The following PIGX variants were observed in gnomAD, a reference collection of about 807,000 sequenced individuals.
PIGX encodes GPI alpha-1,4-mannosyltransferase I, stabilizing subunit.
PIGX carries 24 observed loss-of-function variants against 28.7 expected under a neutral mutation model. The ratio of observed to expected loss-of-function variants is 0.84; its 90% CI spans 0.60 to 1.17. PIGX has a LOEUF of 1.17. Among genes scored for constraint, PIGX ranks in the 50% most tolerant of loss-of-function variants. PIGX has a pLI of 0.00. For synonymous variants in PIGX, 127 were observed against 121.0 expected, an observed-to-expected ratio of 1.05 and a Z score of -0.33; for missense variants, 305 against 317.8, an observed-to-expected ratio of 0.96 and a Z score of 0.31.
At chr3:196,718,096 G>A (rs1712171573) in intron 2 of PIGX, 1 of 152,078 alleles carries the variant, frequency 6.6e-6, no homozygotes, top group Admixed American at 6.6e-5. Context: ...GGATCACGAG[G>A]TCACGAGTTC....
At chr3:196,721,048 C>G (rs1261102018) in intron 2 of PIGX, 2 of 184,834 alleles carry the variant, frequency 1.1e-5, no homozygotes, top group African/African-American at 4.8e-5. Flanking sequence ...ATGTGATTTT[C>G]TTTGTATTTA....
intron 2 of PIGX, 45 bp downstream of exon 2, chr3:196,716,966 T>C (rs772694421): frequency 8.6e-7 from 1 of 1,159,090 alleles, no homozygotes; most frequent in Non-Finnish European, 1.3e-6. Flanking sequence ...TAATGTGTCA[T>C]ATAATTGAGA....
chr3:196,723,190 A>G (rs1298745640), intron 3 of PIGX, among the ~76,000 whole-genome samples: 1 of 152,098 alleles, frequency 6.6e-6, no homozygotes, highest in Non-Finnish European at 1.5e-5. Context: ...AAAATACAAA[A>G]ATTAGCCAGG....
At chr3:196,716,361 G>A (rs540465721) in intron 1 of PIGX, among the ~76,000 whole-genome samples, 56 of 152,166 alleles carry the variant, frequency 3.7e-4, no homozygotes, top group African/African-American at 1.3e-3. Context: ...TATAGAAGTT[G>A]CCAGTATGTA....
chr3:196,723,289 C>T (rs188658174), intron 3 of PIGX, among the ~76,000 whole-genome samples: 4 of 152,194 alleles, frequency 2.6e-5, no homozygotes, highest in East Asian at 1.9e-4. Context: ...TGCAGTGAGC[C>T]GAGATCGCAT....
intron 2 of PIGX, among the ~76,000 whole-genome samples, chr3:196,719,635 T>G (rs1712233505): frequency 6.6e-6 from 1 of 152,202 alleles, no homozygotes; most frequent in Non-Finnish European, 1.5e-5. Context: ...CTTCATCTCC[T>G]TCTCTTTTCT....
intron 5 of PIGX, among the ~76,000 whole-genome samples, chr3:196,731,857 C>A (rs371087631): frequency 6.6e-6 from 1 of 151,986 alleles, no homozygotes; most frequent in African/African-American, 2.4e-5. Flanking sequence ...GACAGAGTCT[C>A]GCTCTGTTGC....
In PIGX at chr3:196,733,385, C is replaced by T. The variant is rs567972375; in HGVS notation, c.634-374C>T. Among the ~76,000 whole-genome samples the T allele has an allele frequency of 8.6e-5, 13 of 152,038 alleles. No homozygotes were observed. The highest frequency in any genetic ancestry group is 3.9e-4 in the East Asian group (2 of 5,188). ...AAGAAATAGTGGTCTCACCTTATGA[C>T]ATTTATTTTATTTTACTATTTTTAT... is the stretch of plus-strand genomic sequence containing the variant. On this transcript the variant is annotated intron_variant, in intron 5 of 5. Coordinates refer to ENST00000392391, the MANE Select transcript of PIGX (RefSeq NM_017861.4). The surrounding 1 kb of genome is among the most constrained non-coding windows in gnomAD (Gnocchi z 4.3).
intron 3 of PIGX, among the ~76,000 whole-genome samples, chr3:196,724,089 C>G (rs1029667093): frequency 1.7e-4 from 26 of 149,208 alleles, no homozygotes; most frequent in Non-Finnish European, 2.5e-4. Flanking sequence ...ACAATCTTGG[C>G]TCACTGAAAC....
intron 1 of PIGX, among the ~76,000 whole-genome samples, chr3:196,714,402 T>G (rs2108673557): frequency 6.6e-6 from 1 of 151,020 alleles, no homozygotes; most frequent in South Asian, 2.1e-4. Flanking sequence ...AGTTCAAGGC[T>G]GCAGTGAGCT....
intron 1 of PIGX, chr3:196,713,007 G>C: frequency 1.0e-6 from 1 of 991,510 alleles, no homozygotes. Context: ...TGAGGCCTGA[G>C]AATCCCCAAA....
At chr3:196,731,676 CTAAAA>C (rs1369954257) in intron 5 of PIGX, among the ~76,000 whole-genome samples, 2 of 152,042 alleles carry the variant, frequency 1.3e-5, no homozygotes, top group African/African-American at 4.8e-5. Context: ...TTCTCAAACT[CTAAAA>C]TACATCTGGA....
chr3:196,726,781 T>C (rs1243826086), intron 3 of PIGX: 1 of 423,332 alleles, frequency 2.4e-6, no homozygotes, highest in Non-Finnish European at 4.7e-6. Flanking sequence ...GGTTAGTACA[T>C]ACAGTTTCTA....
chr3:196,724,544 G>A (rs1712449072), intron 3 of PIGX, among the ~76,000 whole-genome samples: 1 of 152,214 alleles, frequency 6.6e-6, no homozygotes, highest in African/African-American at 2.4e-5. Context: ...TTGGATGTTT[G>A]AAGGTTGACT....
chr3:196,732,245 TATA>T (rs1262975076), intron 5 of PIGX, among the ~76,000 whole-genome samples: 3 of 41,068 alleles, frequency 7.3e-5, no homozygotes, highest in African/African-American at 3.6e-4. Flanking sequence ...TATATATATA[TATA>T]TATATATATT....
chr3:196,725,348 A>G (rs1373575267), intron 3 of PIGX, among the ~76,000 whole-genome samples: 1 of 152,214 alleles, frequency 6.6e-6, no homozygotes. Context: ...TAATGAAAAA[A>G]GTCATTGAAT....
At position 196,735,414 on chromosome 3, in the gene PIGX, G is replaced by A. The variant is rs1712971120; in HGVS notation, c.*1512G>A. 1 of 150,604 alleles carries A rather than the reference G, an allele frequency of 6.6e-6. No homozygotes were observed. Among genetic ancestry groups the A allele is most frequent in the African/African-American group, 2.4e-5 (1 of 40,888 alleles). 9.3% of individuals were successfully genotyped at this position (150,604 alleles called of 1,614,324 possible). On this transcript the variant is annotated 3_prime_UTR_variant, in exon 6 of 6. Coordinates refer to ENST00000392391, the MANE Select transcript of PIGX (RefSeq NM_017861.4). ...TTATTTATTTTATGTAGAGTATTGA[G>A]ATGTGATAAACCTTTGTATATGCCA...
chr3:196,729,202 G>A (rs957824243), intron 4 of PIGX, among the ~76,000 whole-genome samples: 9 of 151,768 alleles, frequency 5.9e-5, no homozygotes, highest in East Asian at 2.0e-4. Flanking sequence ...GAGAGGTGGC[G>A]GGCGTCTGTA....
intron 1 of PIGX, among the ~76,000 whole-genome samples, chr3:196,714,577 T>G (rs369387160): frequency 1.3e-5 from 2 of 151,340 alleles, no homozygotes; most frequent in African/African-American, 4.8e-5. Flanking sequence ...TTCTCCTGCC[T>G]CAGCCTCCCA....
Sources: allele counts gnomAD v4.1 joint callset (sites outside exome capture counted in the v4.1 genomes callset), GRCh38; gene constraint gnomAD v4.1.1; non-coding constraint Gnocchi (gnomAD v3.1); transcripts MANE v1.5; gene names NCBI Gene and HGNC (gene_info 2026-07-23, HGNC 2026-07-21).